The following ZNF844 variants were observed in gnomAD, a reference collection of about 807,000 sequenced individuals.
ZNF844 encodes the protein zinc finger protein 844.
In ZNF844, 11 loss-of-function variants were observed where a neutral mutation model predicts 11.4. The ratio of observed to expected loss-of-function variants is 0.97; its 90% CI spans 0.61 to 1.60. The LOEUF is 1.60. ZNF844 is among the 40% of genes most tolerant of loss of function. The probability of loss-of-function intolerance (pLI) is 0.00; values close to 1 mark genes in which losing one functional copy is unlikely to be tolerated. For synonymous variants in ZNF844, 248 were observed against 260.3 expected (o/e 0.95, Z 0.46); for missense variants, 790 against 796.8 (o/e 0.99, Z 0.10).
At position 12,078,099 on chromosome 19, in the gene ZNF844, G is replaced by A. The variant is rs1286772008; in HGVS notation, c.*978G>A. On this transcript the variant is annotated 3_prime_UTR_variant, in exon 4 of 4. Coordinates refer to ENST00000439326, the MANE Select transcript of ZNF844 (RefSeq NM_001136501.3). ...CCGCCTCAGTCTCCCAAAGTGCTGG[G>A]ATTACAGGTATGAGCCACCGTGCCC... is the stretch of plus-strand genomic sequence containing the variant. 6.4e-6 allele frequency: 1 copy of A among 155,834 alleles called. No individual in the cohort carries two copies. The highest frequency in any genetic ancestry group is 1.4e-5 in the Non-Finnish European group (1 of 71,024). The allele number at this position is 155,834 out of a possible 1,614,324, so 9.7% of individuals were successfully genotyped here.
intron 1 of ZNF844, among the ~76,000 whole-genome samples, chr19:12,068,897 G>A (rs67604671): frequency 0.12 from 18,497 of 152,044 alleles, 1,623 homozygotes; most frequent in African/African-American, 0.25. Context: ...TCAATCAGAA[G>A]CCTGCAAAGA....
At chr19:12,074,961 C>T (rs116126255) in intron 3 of ZNF844, among the ~76,000 whole-genome samples, 62 of 152,066 alleles carry the variant, frequency 4.1e-4, no homozygotes, top group Middle Eastern at 3.4e-3. Context: ...AAAAATAATA[C>T]GTATAGATAG....
intron 1 of ZNF844, among the ~76,000 whole-genome samples, chr19:12,069,979 G>A (rs1176653045): frequency 2.0e-5 from 3 of 149,176 alleles, no homozygotes; most frequent in Admixed American, 6.7e-5. Context: ...AAAAGAGGCC[G>A]GGCGCGGTGG....
At chr19:12,065,817 T>A (rs1338676528) in intron 1 of ZNF844, among the ~76,000 whole-genome samples, 1 of 151,918 alleles carries the variant, frequency 6.6e-6, no homozygotes, top group African/African-American at 2.4e-5. Context: ...GTATTTTCAG[T>A]AAAGACGGGG....
At chr19:12,071,447 T>C (rs575035120) in intron 1 of ZNF844, among the ~76,000 whole-genome samples, 3 of 152,382 alleles carry the variant, frequency 2.0e-5, no homozygotes, top group Admixed American at 6.5e-5. Context: ...AGTATGCTTG[T>C]GTAAAATTCA....
chr19:12,075,615 A>AG lies in ZNF844; in HGVS notation c.496dup (p.Glu166GlyfsTer5), dbSNP rs778315438. On this transcript the variant is annotated frameshift_variant, in exon 4 of 4. Transcript: ENST00000439326. LOFTEE classifies it low-confidence loss of function (END_TRUNC). ...AAATGCAAGAAAAGGCTCACACTGG[A>AG]GAAAAACTCTATGATTGTAAAGAAT... 3 of 1,613,186 alleles carry AG rather than the reference A, an allele frequency of 1.9e-6. No homozygotes were observed. The African/African-American group carries it at 4.0e-5, about 22-fold the overall frequency.
Position 12,077,391 on chromosome 19 carries a change from C to A in ZNF844, c.*270C>A. On this transcript the variant is annotated 3_prime_UTR_variant, in exon 4 of 4. Coordinates refer to ENST00000439326, the MANE Select transcript of ZNF844 (RefSeq NM_001136501.3). Reference sequence around the variant, plus strand: ...TGGAGAGAAACAGTATGAGTGTAAGCAGTGTGGTAAAGCCTTCATGTCTTC... The same window carrying A: ...TGGAGAGAAACAGTATGAGTGTAAGAAGTGTGGTAAAGCCTTCATGTCTTC... 1 of 741,222 alleles carries A rather than the reference C, an allele frequency of 1.3e-6. No individual in the cohort carries two copies. Among genetic ancestry groups the A allele is most frequent in the East Asian group, 2.9e-5 (1 of 34,218 alleles). 45.9% of individuals were successfully genotyped at this position (741,222 alleles called of 1,614,324 possible). A position where few individuals can be genotyped will look rare whatever the true frequency, so the allele number is the denominator to read the frequency against.
rs1599402987 is a variant in ZNF844 at position 12,077,544 on chromosome 19, C to T, written c.*423C>T. ...TGAAAGGACTCACACTGGAGAGAAA[C>T]CCTATGAATGTAAGCAGTGTGGTAA... On this transcript the variant is annotated 3_prime_UTR_variant, in exon 4 of 4. Coordinates refer to ENST00000439326, the MANE Select transcript of ZNF844 (RefSeq NM_001136501.3). 4.9e-6 allele frequency: 3 copies of T among 610,898 alleles called. No individual in the cohort carries two copies. The highest frequency in any genetic ancestry group is 1.4e-5 in the South Asian group (1 of 73,394). The allele number at this position is 610,898 out of a possible 1,614,324, so 37.8% of individuals were successfully genotyped here. A position where few individuals can be genotyped will look rare whatever the true frequency, so the allele number is the denominator to read the frequency against.
Position 12,076,796 on chromosome 19 carries a change from C to A in ZNF844, c.1676C>A (p.Pro559His). Reference protein sequence around the residue: ...FMKRHTLERNPIRNMEKHSTI... With the variant: ...FMKRHTLERNHIRNMEKHSTI... Reference sequence around the variant, plus strand: ...AAAAGACACACCCTGGAGAGAAACCCTATAAGGAATATGGAAAAGCATTCA... The same window carrying A: ...AAAAGACACACCCTGGAGAGAAACCATATAAGGAATATGGAAAAGCATTCA... The change falls in exon 4 of 4, where the codon CCT becomes CAT. Residue 559 changes from proline (P) to histidine (H), a missense_variant. Coordinates refer to ENST00000439326, the MANE Select transcript of ZNF844 (RefSeq NM_001136501.3). 6.4e-7 allele frequency: 1 copy of A among 1,568,364 alleles called. No individual in the cohort carries two copies. The highest frequency in any genetic ancestry group is 2.4e-5 in the East Asian group (1 of 42,008).
At chr19:12,070,046 C>A (rs1975737167) in intron 1 of ZNF844, 1 of 150,058 alleles carries the variant, frequency 6.7e-6, no homozygotes, top group African/African-American at 2.5e-5. Flanking sequence ...TAGCTTGAGC[C>A]CAGGAGTTCG....
In ZNF844 at chr19:12,077,166, G is replaced by T. The variant is rs371893073; in HGVS notation, c.*45G>T. The T allele has an allele frequency of 6.2e-6, 10 of 1,601,040 alleles. No individual in the cohort carries two copies. The African/African-American group carries it at 1.3e-4, about 22-fold the overall frequency. On this transcript the variant is annotated 3_prime_UTR_variant, in exon 4 of 4. Coordinates refer to ENST00000439326, the MANE Select transcript of ZNF844 (RefSeq NM_001136501.3). ...ATGTGGCAAAGCCTTCACTTCTTCT[G>T]GTTCCTTTCAGTGTCATAAAAGGAT...
chr19:12,069,269 G>GCCT (rs1355741255), intron 1 of ZNF844, among the ~76,000 whole-genome samples: 2 of 132,196 alleles, frequency 1.5e-5, no homozygotes, highest in East Asian at 4.3e-4. Flanking sequence ...TGCAACCTCT[G>GCCT]CCTCCTGGGT....
chr19:12,070,852 G>A (rs1282389167), intron 1 of ZNF844, among the ~76,000 whole-genome samples: 7 of 152,134 alleles, frequency 4.6e-5, no homozygotes, highest in African/African-American at 1.7e-4. Flanking sequence ...GCAAGGTACC[G>A]TAGAGGATGG....
chr19:12,076,286 G>C lies in ZNF844; in HGVS notation c.1166G>C (p.Arg389Thr). The C allele has an allele frequency of 6.2e-7, 1 of 1,613,810 alleles. No individual in the cohort carries two copies. Among genetic ancestry groups the C allele is most frequent in the Non-Finnish European group, 8.5e-7 (1 of 1,179,850 alleles). Residue 389 changes from arginine to threonine, a missense_variant, in exon 4 of 4, where the codon AGA becomes ACA. Arg to Thr is a moderately conservative substitution (Grantham distance 71). Around this residue, in one of 3 missense-constraint regions of ZNF844, gnomAD observed 657 missense variants for 636.2 expected, o/e 1.03. Transcript: ENST00000439326. ...GACATGAAAGAACTCACACTGGAGA[G>C]AAACCTTATGAATGCAAGCACTGTG... ...FEDMKELTLE[R>T]NLMNASTVVK...
At position 12,076,630 on chromosome 19, in the gene ZNF844, A is replaced by T. The variant is rs750846032; in HGVS notation, c.1510A>T (p.Met504Leu). ...MKGLTLERNP[M>L]SVSNVGKPSH... ...AGGACTCACACTGGAGAGAAACCCT[A>T]TGAGTGTAAGCAATGTGGGAAAGCC... The change falls in exon 4 of 4, where the codon ATG becomes TTG. Residue 504 changes from methionine (M) to leucine (L), a missense_variant. Coordinates refer to ENST00000439326, the MANE Select transcript of ZNF844 (RefSeq NM_001136501.3). 1.2e-6 allele frequency: 2 copies of T among 1,614,108 alleles called. No individual in the cohort carries two copies. The highest frequency in any genetic ancestry group is 8.5e-7 in the Non-Finnish European group (1 of 1,180,004).
In ZNF844 at chr19:12,079,696, G is replaced by C. The variant is rs931010950; in HGVS notation, c.*2575G>C. ...ACGGTGGTTCACGCCTGTAATCCCA[G>C]CACTTTGGGAGACCAAGGCAGGCAG... On this transcript the variant is annotated 3_prime_UTR_variant, in exon 4 of 4. Coordinates refer to ENST00000439326, the MANE Select transcript of ZNF844 (RefSeq NM_001136501.3). The C allele has an allele frequency of 5.3e-5, 8 of 151,980 alleles. No individual in the cohort carries two copies. The highest frequency in any genetic ancestry group is 1.2e-4 in the Non-Finnish European group (8 of 68,160). 9.4% of individuals were successfully genotyped at this position (151,980 alleles called of 1,614,324 possible).
At chr19:12,069,971 A>T (rs944105852) in intron 1 of ZNF844, among the ~76,000 whole-genome samples, 18 of 150,632 alleles carry the variant, frequency 1.2e-4, no homozygotes, top group Admixed American at 1.2e-3. Context: ...AAAAAAAAAA[A>T]AGAGGCCGGG....
chr19:12,073,292 TG>T (rs1975771345), intron 1 of ZNF844, among the ~76,000 whole-genome samples: 1 of 152,054 alleles, frequency 6.6e-6, no homozygotes, highest in African/African-American at 2.4e-5. Context: ...CCCGAGTACC[TG>T]GGATTACAGG....
rs778378147 is a variant in ZNF844 at position 12,075,361 on chromosome 19, G to T, written c.241G>T (p.Gly81Ter). 55 of 1,528,062 alleles carry T rather than the reference G, an allele frequency of 3.6e-5. No homozygotes were observed. Among genetic ancestry groups the T allele is most frequent in the Middle Eastern group, 1.7e-4 (1 of 5,806 alleles). The allele number at this position is 1,528,062 out of a possible 1,614,324, so 94.7% of individuals were successfully genotyped here. A position where few individuals can be genotyped will look rare whatever the true frequency, so the allele number is the denominator to read the frequency against. Residue 81 changes from glycine (G) to a stop codon, truncating the protein, a stop_gained, in exon 4 of 4, where the codon GGA becomes TGA. Coordinates refer to ENST00000439326, the MANE Select transcript of ZNF844 (RefSeq NM_001136501.3). LOFTEE classifies it low-confidence loss of function (END_TRUNC). ...VDENTEENHCGETSSQIPDDT... is the reference protein window; with the variant it reads ...VDENTEENHC The stretch of plus-strand genomic sequence containing the variant: ...TGAAAATACAGAAGAAAATCATTGT[G>T]GAGAAACTTCTAGCCAGATTCCAGA...
Sources: gnomAD v4.1 joint callset for allele counts (sites outside exome capture counted in the v4.1 genomes callset) on GRCh38, gnomAD v4.1.1 for gene constraint, gnomAD v4.1.1 regional missense constraint, MANE v1.5 for transcripts, NCBI Gene and HGNC (gene_info 2026-07-23, HGNC 2026-07-21) for gene names.